Variants in NPHP1 observed in about 807,000 individuals in gnomAD.
NPHP1 encodes nephrocystin 1.
NPHP1 carries 70 observed loss-of-function variants against 90.4 expected under a neutral mutation model. That is an observed-to-expected ratio of 0.77 (90% CI 0.64 to 0.95). The LOEUF is 0.95. Among genes scored for constraint, NPHP1 ranks in the 40% least tolerant of loss-of-function variants. The pLI is 0.00. For missense variants in NPHP1, 764 were observed against 795.9 expected (o/e 0.96, Z 0.48); for synonymous variants, 256 against 271.7 (o/e 0.94, Z 0.57).
chr2:110,195,559 C>T (rs1203788338), intron 2 of NPHP1, among the ~76,000 whole-genome samples: 5 of 152,072 alleles, frequency 3.3e-5, no homozygotes, highest in Non-Finnish European at 7.4e-5. Context: ...GTATCAATAT[C>T]GTGAAAATGA....
intron 2 of NPHP1, among the ~76,000 whole-genome samples, chr2:110,183,653 C>T (rs1301727548): frequency 6.6e-6 from 1 of 152,118 alleles, no homozygotes; most frequent in African/African-American, 2.4e-5. Context: ...CAGATTCATA[C>T]AGCAAGTTCT....
At chr2:110,163,400 A>C (rs1436127865) in intron 8 of NPHP1, 2 of 459,240 alleles carry the variant, frequency 4.4e-6, no homozygotes, top group Non-Finnish European at 8.0e-6. Flanking sequence ...CCCTTATCAA[A>C]ATGTCCCTGC....
intron 6 of NPHP1, 118 bp downstream of exon 6, chr2:110,168,334 G>C: frequency 1.4e-6 from 1 of 726,784 alleles, no homozygotes; most frequent in Non-Finnish European, 2.4e-6. Context: ...CAAAATTAAA[G>C]CAAATTCTAT....
intron 1 of NPHP1, among the ~76,000 whole-genome samples, chr2:110,204,010 T>C (rs1434925516): frequency 6.6e-6 from 1 of 152,144 alleles, no homozygotes; most frequent in Non-Finnish European, 1.5e-5. Context: ...AGAAATACCA[T>C]ATTAGCCTGT....
intron 18 of NPHP1, chr2:110,128,211 T>A (rs1411803099): frequency 6.6e-6 from 1 of 152,134 alleles, no homozygotes; most frequent in Non-Finnish European, 1.5e-5. Context: ...CAGGTGCATA[T>A]GGCCTAGTTT....
intron 14 of NPHP1, 38 bp downstream of exon 14, chr2:110,146,715 A>G: frequency 7.1e-7 from 1 of 1,414,136 alleles, no homozygotes; most frequent in South Asian, 1.1e-5. Context: ...GAATTTTTAC[A>G]GAAGTATTCA....
At chr2:110,170,226 C>A (rs1368091001) in intron 4 of NPHP1, among the ~76,000 whole-genome samples, 1 of 152,150 alleles carries the variant, frequency 6.6e-6, no homozygotes. Flanking sequence ...CAGAGCATCA[C>A]TGGACTTGAG....
Position 110,129,179 on chromosome 2 carries a change from T to C in NPHP1, c.1716+7A>G, listed in dbSNP as rs1445032611. ...AGCAGGTTTCCATTGCAATGCATGCTACCCACCCTGAGAGCATCCATCACA... is the reference window on the plus strand; with the variant it reads ...AGCAGGTTTCCATTGCAATGCATGCCACCCACCCTGAGAGCATCCATCACA... On this transcript the variant is annotated splice_region_variant and intron_variant, in intron 18 of 19. Transcript: ENST00000445609. 1.2e-6 allele frequency: 2 copies of C among 1,608,374 alleles called. No individual in the cohort carries two copies. Among genetic ancestry groups the C allele is most frequent in the East Asian group, 4.5e-5 (2 of 44,850 alleles).
intron 2 of NPHP1, among the ~76,000 whole-genome samples, chr2:110,197,678 G>A (rs974150255): frequency 6.6e-6 from 1 of 152,086 alleles, no homozygotes; most frequent in Non-Finnish European, 1.5e-5. Flanking sequence ...TGGCAGAGTG[G>A]AATGACATCA....
rs779556841 is a variant in NPHP1, at chr2:110,131,788, T to G, written c.1533A>C (p.Leu511=). 1 of 1,579,624 alleles carries G rather than the reference T, an allele frequency of 6.3e-7. No individual in the cohort carries two copies. The highest frequency in any genetic ancestry group is 8.7e-7 in the Non-Finnish European group (1 of 1,148,990). The part of the protein sequence containing the change: ...LNRRSRNVLS[L]LPETLIGNMC... ...TATTTCCAATTAATGTTTCTGGCAG[T>G]AGACTATTAAAGAAGAAAAAAATGT... Residue 511 remains leucine (L), a synonymous_variant, in exon 17 of 20, where the codon CTA becomes CTC. Coordinates refer to ENST00000445609, the MANE Select transcript of NPHP1 (RefSeq NM_001128178.3).
chr2:110,193,434 A>G (rs945674074), intron 2 of NPHP1, among the ~76,000 whole-genome samples: 3 of 152,148 alleles, frequency 2.0e-5, no homozygotes, highest in African/African-American at 7.2e-5. Flanking sequence ...TGGTAAAGGG[A>G]TCAATTCAAC....
chr2:110,174,868 C>T (rs181297295), intron 4 of NPHP1, among the ~76,000 whole-genome samples: 10 of 150,516 alleles, frequency 6.6e-5, no homozygotes, highest in South Asian at 2.1e-4. Context: ...CCAAACATAG[C>T]GCTGAAGAGC....
At chr2:110,135,923 G>C (rs1266344014) in intron 16 of NPHP1, among the ~76,000 whole-genome samples, 1 of 152,136 alleles carries the variant, frequency 6.6e-6, no homozygotes, top group Non-Finnish European at 1.5e-5. Context: ...GACAGCAATG[G>C]ATTCCACGAG....
chr2:110,139,885 C>T (rs544813047), intron 16 of NPHP1, among the ~76,000 whole-genome samples: 8 of 152,198 alleles, frequency 5.3e-5, no homozygotes, highest in South Asian at 2.1e-4. Flanking sequence ...CCGAAGGTTT[C>T]GGGTCAGGGG....
At chr2:110,198,216 G>A (rs1037891428) in intron 2 of NPHP1, among the ~76,000 whole-genome samples, 1 of 152,064 alleles carries the variant, frequency 6.6e-6, no homozygotes, top group East Asian at 1.9e-4. Flanking sequence ...CTGCCAGGCC[G>A]AAAACTCTAG....
chr2:110,168,395 T>C, intron 6 of NPHP1, 57 bp downstream of exon 6: 13 of 1,069,122 alleles, frequency 1.2e-5, no homozygotes, highest in Non-Finnish European at 1.7e-5. Context: ...CTAAATGTTT[T>C]ATTAAAAGCG....
chr2:110,158,057 C>T lies in NPHP1; in HGVS notation c.1083+2070G>A, dbSNP rs191229991. ...AATTTCCCATGAAATTTCCTTTTAACCCTTTGATTATTTAGAAGTAGTTTT... is the reference window on the plus strand; with the variant it reads ...AATTTCCCATGAAATTTCCTTTTAATCCTTTGATTATTTAGAAGTAGTTTT... On this transcript the variant is annotated intron_variant, in intron 11 of 19. Coordinates refer to ENST00000445609, the MANE Select transcript of NPHP1 (RefSeq NM_001128178.3). Among the ~76,000 whole-genome samples the T allele has an allele frequency of 1.0e-3, 153 of 152,150 alleles. 1 individual carries two copies. Among genetic ancestry groups the T allele is most frequent in the Non-Finnish European group, 1.7e-3 (116 of 67,996 alleles).
At chr2:110,143,686 G>T in intron 15 of NPHP1, 45 bp from the exon 16 acceptor site, 1 of 1,249,460 alleles carries the variant, frequency 8.0e-7, no homozygotes, top group Non-Finnish European at 1.2e-6. Context: ...TTAAGTACTT[G>T]AGACAGTGAG....
At position 110,193,746 on chromosome 2, in the gene NPHP1, CAT is replaced by C. The variant is rs559048138; in HGVS notation, c.143+7673_143+7674del. On this transcript the variant is annotated intron_variant, in intron 2 of 19. Coordinates refer to ENST00000445609, the MANE Select transcript of NPHP1 (RefSeq NM_001128178.3). ...ACCACACCTATTCCAAAATTGACCA[CAT>C]AGTTGGAAGTAAAGCACTCCTCAGC... 1.7e-4 allele frequency among the ~76,000 whole-genome samples: 26 copies of C among 152,216 alleles called. No individual in the cohort carries two copies. In the East Asian group the frequency reaches 3.7e-3, roughly 21 times the overall value.
Sources: allele counts gnomAD v4.1 joint callset (sites outside exome capture counted in the v4.1 genomes callset), GRCh38; gene constraint gnomAD v4.1.1; transcripts MANE v1.5; gene names NCBI Gene and HGNC (gene_info 2026-07-23, HGNC 2026-07-21).